Variants in PRKDC observed in about 807,000 individuals in gnomAD.
PRKDC encodes the protein protein kinase, DNA-activated, catalytic subunit.
PRKDC carries 82 observed loss-of-function variants against 486.9 expected under a neutral mutation model. That is an observed-to-expected ratio of 0.17 (90% CI 0.14 to 0.20). The LOEUF is 0.20. Among genes scored for constraint, PRKDC ranks in the 10% least tolerant of loss-of-function variants. The pLI is 1.00. For synonymous variants in PRKDC, 1,895 were observed against 1,837.0 expected, an observed-to-expected ratio of 1.03 and a Z score of -0.81; for missense variants, 4,504 against 5,038.2, an observed-to-expected ratio of 0.89 and a Z score of 3.21.
chr8:47,775,229 A>T (rs1260748951), intron 85 of PRKDC, among the ~76,000 whole-genome samples: 3 of 151,652 alleles, frequency 2.0e-5, no homozygotes, highest in African/African-American at 7.3e-5. Context: ...ATTAATTAAT[A>T]GCCATCCTAG....
chr8:47,928,098 T>A lies in PRKDC; in HGVS notation c.2140-208A>T, dbSNP rs8178047. On this transcript the variant is annotated intron_variant, in intron 19 of 85. Coordinates refer to ENST00000314191, the MANE Select transcript of PRKDC (RefSeq NM_006904.7). ...CCTACTACATGGAAAAACAAGAATCTATTTCATCTTGAGTTGTCATCACTC... is the reference window on the plus strand; with the variant it reads ...CCTACTACATGGAAAAACAAGAATCAATTTCATCTTGAGTTGTCATCACTC... 1.3e-3 allele frequency among the ~76,000 whole-genome samples: 203 copies of A among 152,120 alleles called. 5 individuals carry two copies. In the East Asian group the frequency reaches 0.036, roughly 27 times the overall value.
At position 47,831,926 on chromosome 8, in the gene PRKDC, C is replaced by T. The variant is rs758251444; in HGVS notation, c.8153G>A (p.Gly2718Asp). 21 of 1,610,190 alleles carry T rather than the reference C, an allele frequency of 1.3e-5. No individual in the cohort carries two copies. The South Asian group carries it at 2.0e-4, about 15-fold the overall frequency. Reference protein sequence around the residue: ...PGDEVDNKVKGAAGRTDLLRL... With the variant: ...PGDEVDNKVKDAAGRTDLLRL... ...TAGTAGGTCCGTCCGGCCGGCCGCA[C>T]CTGGAGAGGGAAAGCAGGCCCAGTT... Residue 2718 changes from glycine (G) to aspartate (D), a missense_variant and splice_region_variant, in exon 60 of 86, where the codon GGT becomes GAT. Physicochemically the swap from Gly to Asp is moderately conservative, Grantham distance 94. Transcript: ENST00000314191.
chr8:47,899,989 A>C (rs538854482), intron 28 of PRKDC, among the ~76,000 whole-genome samples: 2 of 152,342 alleles, frequency 1.3e-5, no homozygotes, highest in South Asian at 2.1e-4. Context: ...ATCACGAGTG[A>C]GTGCAGAGGC....
chr8:47,775,563 T>C (rs1020035281), intron 85 of PRKDC, among the ~76,000 whole-genome samples: 1 of 151,284 alleles, frequency 6.6e-6, no homozygotes, highest in Non-Finnish European at 1.5e-5. Context: ...GGGTTATCTA[T>C]CTACCTATTA....
Position 47,817,501 on chromosome 8 carries a change from G to C in PRKDC, c.9506C>G (p.Pro3169Arg). ...GTTCATTGGGTCCATTTTAGCATCTGGATATCTGTTTGTCCAGGTGTTCAG... is the reference window on the plus strand; with the variant it reads ...GTTCATTGGGTCCATTTTAGCATCTCGATATCTGTTTGTCCAGGTGTTCAG... ...RLLNTWTNRY[P>R]DAKMDPMNIW... Residue 3169 changes from proline to arginine, a missense_variant, in exon 68 of 86, where the codon CCA becomes CGA. Pro to Arg is a moderately radical substitution (Grantham distance 103). This residue lies in a region of PRKDC where 1,592 missense variants were observed against 1,724.6 expected (regional missense o/e 0.92). Coordinates refer to ENST00000314191, the MANE Select transcript of PRKDC (RefSeq NM_006904.7). 1 of 1,608,184 alleles carries C rather than the reference G, an allele frequency of 6.2e-7. No individual in the cohort carries two copies. The highest frequency in any genetic ancestry group is 8.5e-7 in the Non-Finnish European group (1 of 1,176,946).
intron 26 of PRKDC, among the ~76,000 whole-genome samples, chr8:47,904,131 C>T (rs2089730964): frequency 1.3e-5 from 2 of 152,140 alleles, no homozygotes; most frequent in Non-Finnish European, 2.9e-5. Flanking sequence ...GAGCTGGCGA[C>T]CAAATTCTAA....
chr8:47,790,255 T>A (rs1004968422), intron 74 of PRKDC, among the ~76,000 whole-genome samples: 1 of 152,198 alleles, frequency 6.6e-6, no homozygotes, highest in African/African-American at 2.4e-5. Flanking sequence ...CATTTCTATA[T>A]GCCAACAGTG....
intron 19 of PRKDC, 149 bp downstream of exon 19, chr8:47,928,943 G>C (rs1458609261): frequency 1.6e-6 from 1 of 625,414 alleles, no homozygotes. Flanking sequence ...TCCCACCTCG[G>C]CCTCCCAAAG....
Position 47,927,255 on chromosome 8 carries a change from C to T in PRKDC, c.2358G>A (p.Gln786=). Residue 786 remains glutamine, a synonymous_variant, in exon 21 of 86, where the codon CAG becomes CAA. Transcript: ENST00000314191. ...WSIYIDRHVM[Q]PYYKDILPCL... is the part of the protein sequence containing the mutation. ...AGGGGAGAATGTCTTTGTAATAAGG[C>T]TGCATTACATGTCTGTCAATATAAA... 6.2e-7 allele frequency: 1 copy of T among 1,613,764 alleles called. No homozygotes were observed. The highest frequency in any genetic ancestry group is 8.5e-7 in the Non-Finnish European group (1 of 1,179,748).
chr8:47,918,041 C>T (rs1349947969), intron 22 of PRKDC, among the ~76,000 whole-genome samples: 2 of 152,094 alleles, frequency 1.3e-5, no homozygotes, highest in African/African-American at 2.4e-5. Flanking sequence ...GAGACAGGGT[C>T]TTCCTATGTT....
At chr8:47,843,621 G>T (rs149126653) in intron 54 of PRKDC, among the ~76,000 whole-genome samples, 95 of 152,214 alleles carry the variant, frequency 6.2e-4, no homozygotes, top group African/African-American at 2.2e-3. Context: ...CGATGTGAAA[G>T]AAAAAATTTT....
chr8:47,864,819 G>A (rs757552083), intron 40 of PRKDC, 56 bp from the exon 41 acceptor site: 2 of 1,405,230 alleles, frequency 1.4e-6, no homozygotes, highest in South Asian at 1.5e-5. Flanking sequence ...GGAACTTTAT[G>A]AGTGCCTACT....
At chr8:47,894,433 A>T (rs747284626) in intron 30 of PRKDC, among the ~76,000 whole-genome samples, 2 of 152,228 alleles carry the variant, frequency 1.3e-5, no homozygotes, top group Non-Finnish European at 1.5e-5. Context: ...CAGAAGAAAA[A>T]TGATAGAAAG....
At chr8:47,841,221 C>T (rs2088134545) in intron 54 of PRKDC, among the ~76,000 whole-genome samples, 1 of 152,188 alleles carries the variant, frequency 6.6e-6, no homozygotes. Flanking sequence ...GGCAGAGCAC[C>T]AGCCTATGTG....
At chr8:47,881,806 T>G (rs908600152) in intron 37 of PRKDC, 106 bp downstream of exon 37, 2 of 1,016,910 alleles carry the variant, frequency 2.0e-6, no homozygotes, top group Non-Finnish European at 1.4e-6. Flanking sequence ...TATTTTCTTA[T>G]TTGTCAAACC....
chr8:47,849,303 C>T lies in PRKDC; in HGVS notation c.7131G>A (p.Arg2377=). 2 of 1,613,916 alleles carry T rather than the reference C, an allele frequency of 1.2e-6. No individual in the cohort carries two copies. The highest frequency in any genetic ancestry group is 1.7e-6 in the Non-Finnish European group (2 of 1,179,872). ...VTKSFPPLAD[R]FMNAVFFLLP... Reference sequence around the variant, plus strand: ...GCAGAAAGAACACAGCATTCATGAACCTGGCGGGGAAGGGAACTGGTGAGA... The same window carrying T: ...GCAGAAAGAACACAGCATTCATGAATCTGGCGGGGAAGGGAACTGGTGAGA... The change falls in exon 54 of 86, where the codon AGG becomes AGA. Residue 2377 remains arginine (R), a splice_region_variant and synonymous_variant. Transcript: ENST00000314191.
At chr8:47,853,016 C>T (rs530836792) in intron 51 of PRKDC, among the ~76,000 whole-genome samples, 4 of 152,346 alleles carry the variant, frequency 2.6e-5, no homozygotes, top group African/African-American at 7.2e-5. Context: ...CATGCAGAAC[C>T]GCTGCAGCTG....
intron 36 of PRKDC, among the ~76,000 whole-genome samples, chr8:47,884,966 T>G (rs1055865646): frequency 6.6e-6 from 1 of 152,252 alleles, no homozygotes; most frequent in Non-Finnish European, 1.5e-5. Flanking sequence ...GAGACCTGCC[T>G]GCAGCTGGTA....
intron 21 of PRKDC, among the ~76,000 whole-genome samples, chr8:47,919,031 G>T (rs557935022): frequency 1.3e-5 from 2 of 152,086 alleles, no homozygotes; most frequent in Non-Finnish European, 2.9e-5. Flanking sequence ...GAAGCACTGA[G>T]GGTAAGTGAC....
Sources: allele counts gnomAD v4.1 joint callset (sites outside exome capture counted in the v4.1 genomes callset), GRCh38; gene constraint gnomAD v4.1.1; regional missense constraint gnomAD v4.1.1; transcripts MANE v1.5; gene names NCBI Gene and HGNC (gene_info 2026-07-23, HGNC 2026-07-21).